ZNF140: variants seen among roughly 807,000 people sequenced by gnomAD.
ZNF140 encodes the protein zinc finger protein 140, also known as zinc finger protein 140 (clone pHZ-39).
A neutral mutation model predicts 12.9 loss-of-function variants in ZNF140; 13 were observed. The ratio of observed to expected loss-of-function variants is 1.01; its 90% CI spans 0.66 to 1.60. The LOEUF is 1.60. Among genes scored for constraint, ZNF140 ranks in the 40% most tolerant of loss-of-function variants. The pLI, the probability that ZNF140 is intolerant of heterozygous loss-of-function variation, is 0.00. For missense variants in ZNF140, 531 were observed against 548.8 expected, an observed-to-expected ratio of 0.97 and a Z score of 0.32; for synonymous variants, 214 against 186.7, an observed-to-expected ratio of 1.15 and a Z score of -1.19.
intron 4 of ZNF140, among the ~76,000 whole-genome samples, chr12:133,088,220 A>G (rs653143): frequency 0.93 from 142,178 of 152,240 alleles, 66,587 homozygotes; most frequent in East Asian, 1. Flanking sequence ...AAATACCATT[A>G]TTGTTTATAG....
chr12:133,082,261 A>T (rs1180871929), intron 2 of ZNF140: 1 of 152,144 alleles, frequency 6.6e-6, no homozygotes, highest in Non-Finnish European at 1.5e-5. Flanking sequence ...TCCAATTTCC[A>T]CCTCTGCTGC....
Position 133,096,161 on chromosome 12 carries a change from T to C in ZNF140, c.233-9349T>C, listed in dbSNP as rs372286425. Among the ~76,000 whole-genome samples, 582 of 145,600 alleles carry C rather than the reference T, an allele frequency of 4.0e-3. 6 individuals carry two copies. The highest frequency in any genetic ancestry group is 0.014 in the African/African-American group (534 of 39,296). On this transcript the variant is annotated intron_variant, in intron 4 of 4. Transcript: ENST00000355557. ...CCCCGCTTCCAAGGGCAGAGGTCCC[T>C]GTGGCTTTCTGCAGTGCATGTGCCC... is the stretch of plus-strand genomic sequence containing the variant.
intron 4 of ZNF140, among the ~76,000 whole-genome samples, chr12:133,087,125 C>T (rs1219640730): frequency 6.6e-6 from 1 of 151,904 alleles, no homozygotes; most frequent in Non-Finnish European, 1.5e-5. Flanking sequence ...TAGTGTAGAT[C>T]TAATCATTAC....
chr12:133,091,965 A>G (rs1349773716), intron 4 of ZNF140, among the ~76,000 whole-genome samples: 1 of 151,164 alleles, frequency 6.6e-6, no homozygotes, highest in African/African-American at 2.5e-5. Context: ...TGAAAAAGAT[A>G]TTCCAGGCTC....
rs1304263430 is a variant in ZNF140 at position 133,107,085 on chromosome 12, A to AGAT, written c.*435_*437dup. 1 of 153,856 alleles carries AGAT rather than the reference A, an allele frequency of 6.5e-6. No individual in the cohort carries two copies. Among genetic ancestry groups the AGAT allele is most frequent in the East Asian group, 1.9e-4 (1 of 5,222 alleles). The allele number at this position is 153,856 out of a possible 1,614,324, so 9.5% of individuals were successfully genotyped here. A position where few individuals can be genotyped will look rare whatever the true frequency, so the allele number is the denominator to read the frequency against. ...GCTTTACAAAGATGATGCACTTTGGAGATCAGAAAATTCATATTTAAGCAA... is the reference window on the plus strand; with the variant it reads ...GCTTTACAAAGATGATGCACTTTGGAGATGATCAGAAAATTCATATTTAAGCAA... On this transcript the variant is annotated 3_prime_UTR_variant, in exon 5 of 5. Coordinates refer to ENST00000355557, the MANE Select transcript of ZNF140 (RefSeq NM_003440.4).
intron 4 of ZNF140, chr12:133,084,051 A>G (rs1056027711): frequency 4.0e-5 from 14 of 348,012 alleles, no homozygotes; most frequent in Admixed American, 2.3e-4. Flanking sequence ...TGTTTTTTCT[A>G]TATTACCTAA....
chr12:133,081,472 T>C (rs2137473425), intron 2 of ZNF140, 143 bp downstream of exon 2: 1 of 453,896 alleles, frequency 2.2e-6, no homozygotes, highest in East Asian at 7.1e-5. Context: ...TGGCCTCAAG[T>C]GAGCCAACCC....
At chr12:133,089,239 G>A (rs1379004132) in intron 4 of ZNF140, among the ~76,000 whole-genome samples, 1 of 151,550 alleles carries the variant, frequency 6.6e-6, no homozygotes, top group African/African-American at 2.4e-5. Flanking sequence ...TCGAGGCAGG[G>A]TCTCACTCTG....
chr12:133,100,172 T>TTG (rs1955290841), intron 4 of ZNF140, among the ~76,000 whole-genome samples: 7 of 138,288 alleles, frequency 5.1e-5, no homozygotes, highest in African/African-American at 2.0e-4. Context: ...TTTTTTTTTT[T>TTG]TTTTTTTTTT....
At chr12:133,102,856 G>A (rs1955402465) in intron 4 of ZNF140, among the ~76,000 whole-genome samples, 1 of 152,168 alleles carries the variant, frequency 6.6e-6, no homozygotes, top group Admixed American at 6.5e-5. Context: ...TGGAGGTATA[G>A]TAGGAGATGG....
chr12:133,095,461 C>G (rs368042168), intron 4 of ZNF140, among the ~76,000 whole-genome samples: 1 of 149,504 alleles, frequency 6.7e-6, no homozygotes, highest in Non-Finnish European at 1.5e-5. Context: ...GCCCCCACAT[C>G]GGGCGCCAGA....
intron 4 of ZNF140, among the ~76,000 whole-genome samples, chr12:133,100,174 T>G (rs1373174322): frequency 1.4e-4 from 20 of 139,392 alleles, no homozygotes; most frequent in South Asian, 1.2e-3. Context: ...TTTTTTTTTT[T>G]TTTTTTTTTT....
chr12:133,084,264 T>C (rs1269416193), intron 4 of ZNF140: 3 of 374,596 alleles, frequency 8.0e-6, no homozygotes, highest in Non-Finnish European at 1.5e-5. Context: ...AGTACATATT[T>C]TGCTGTTCTA....
At chr12:133,095,588 G>A (rs1170469448) in intron 4 of ZNF140, among the ~76,000 whole-genome samples, 2 of 151,562 alleles carry the variant, frequency 1.3e-5, no homozygotes, top group East Asian at 1.9e-4. Flanking sequence ...TGGGCCCAGG[G>A]GACCGGCATC....
chr12:133,096,259 G>A (rs953075326), intron 4 of ZNF140, among the ~76,000 whole-genome samples: 3 of 151,984 alleles, frequency 2.0e-5, no homozygotes, highest in Non-Finnish European at 2.9e-5. Flanking sequence ...TGTTAACAAG[G>A]CACGTCCTGC....
intron 4 of ZNF140, among the ~76,000 whole-genome samples, chr12:133,098,678 G>A (rs1955224770): frequency 1.3e-5 from 2 of 152,000 alleles, no homozygotes; most frequent in African/African-American, 2.4e-5. Context: ...TCACTTATAT[G>A]TAAGCTATAA....
chr12:133,087,535 AG>A (rs1954714241), intron 4 of ZNF140, among the ~76,000 whole-genome samples: 1 of 151,082 alleles, frequency 6.6e-6, no homozygotes, highest in Non-Finnish European at 1.5e-5. Context: ...AAAAAAAAAA[AG>A]CGGGAGTGGA....
Position 133,106,976 on chromosome 12 carries a change from C to T in ZNF140, c.*325C>T, listed in dbSNP as rs190416234. 80 of 190,270 alleles carry T rather than the reference C, an allele frequency of 4.2e-4. No homozygotes were observed. Among genetic ancestry groups the T allele is most frequent in the African/African-American group, 1.7e-3 (74 of 42,464 alleles). The allele number at this position is 190,270 out of a possible 1,614,324, so 11.8% of individuals were successfully genotyped here. A position where few individuals can be genotyped will look rare whatever the true frequency, so the allele number is the denominator to read the frequency against. On this transcript the variant is annotated 3_prime_UTR_variant, in exon 5 of 5. Transcript: ENST00000355557. ...TGTAAATTCCTACCAGGAAAGAATACATATCCAATAGATTGGAGAAAGCCA... is the reference window on the plus strand; with the variant it reads ...TGTAAATTCCTACCAGGAAAGAATATATATCCAATAGATTGGAGAAAGCCA...
chr12:133,095,843 A>G (rs1170410143), intron 4 of ZNF140, among the ~76,000 whole-genome samples: 1 of 152,034 alleles, frequency 6.6e-6, no homozygotes, highest in Non-Finnish European at 1.5e-5. Context: ...CGGAGTAAAG[A>G]ATAACAAGGC....
Sources: allele counts gnomAD v4.1 joint callset (sites outside exome capture counted in the v4.1 genomes callset), GRCh38; gene constraint gnomAD v4.1.1; transcripts MANE v1.5; gene names NCBI Gene and HGNC (gene_info 2026-07-23, HGNC 2026-07-21).